Variants in NXPE2 observed in about 807,000 individuals in gnomAD.
NXPE2 encodes the protein neurexophilin and PC-esterase domain family member 2, also known as NXPE family member 2.
In NXPE2, 34 loss-of-function variants were observed where a neutral mutation model predicts 34.4. That is an observed-to-expected ratio of 0.99 (90% CI 0.75 to 1.31). The LOEUF is 1.31. Ranked by LOEUF, NXPE2 falls within the 40% of genes most tolerant of loss-of-function variation. The probability of loss-of-function intolerance (pLI) is 0.00; values close to 1 mark genes in which losing one functional copy is unlikely to be tolerated. For synonymous variants in NXPE2, 235 were observed against 231.3 expected (o/e 1.02, Z -0.15); for missense variants, 649 against 672.5 (o/e 0.97, Z 0.39).
chr11:114,582,669 C>G, the NXPE2 span: 1 of 1,614,178 alleles, frequency 6.2e-7, no homozygotes, highest in South Asian at 1.1e-5. Flanking sequence ...TCCTGAAGCA[C>G]CTGCCATCAG....
chr11:114,651,841 A>C, the NXPE2 span, among the ~76,000 whole-genome samples: 2 of 152,128 alleles, frequency 1.3e-5, no homozygotes, highest in African/African-American at 4.8e-5. Flanking sequence ...GCTAGACAGA[A>C]AAGTTCTCCA....
At chr11:114,607,353 G>A in the NXPE2 span, among the ~76,000 whole-genome samples, 1 of 152,010 alleles carries the variant, frequency 6.6e-6, no homozygotes, top group Admixed American at 6.6e-5. Context: ...TGCCTCGTGG[G>A]TAACCACTGT....
chr11:114,534,078 G>A, the NXPE2 span, among the ~76,000 whole-genome samples: 12 of 152,174 alleles, frequency 7.9e-5, no homozygotes, highest in African/African-American at 2.7e-4. Context: ...GTACTCCTCT[G>A]AGACAAAACT....
chr11:114,765,116 A>C, the NXPE2 span, among the ~76,000 whole-genome samples: 1 of 152,024 alleles, frequency 6.6e-6, no homozygotes, highest in African/African-American at 2.4e-5. Flanking sequence ...CTTTGATCCT[A>C]TTATAACTCC....
At chr11:114,601,919 TATA>T in the NXPE2 span, among the ~76,000 whole-genome samples, 3 of 35,600 alleles carry the variant, frequency 8.4e-5, no homozygotes, top group Non-Finnish European at 1.6e-4. Flanking sequence ...TATAATTATA[TATA>T]ATATATTTAT....
the NXPE2 span, among the ~76,000 whole-genome samples, chr11:114,485,689 A>C: frequency 4.8e-4 from 73 of 152,060 alleles, no homozygotes; most frequent in African/African-American, 1.7e-3. Flanking sequence ...CCATCCTTCT[A>C]TCTCCATGAG....
the NXPE2 span, among the ~76,000 whole-genome samples, chr11:114,637,017 T>C: frequency 6.6e-6 from 1 of 152,244 alleles, no homozygotes; most frequent in South Asian, 2.1e-4. Flanking sequence ...CTGGGTATCG[T>C]TGTTGACTTT....
At chr11:114,746,076 G>A in the NXPE2 span, among the ~76,000 whole-genome samples, 1 of 152,002 alleles carries the variant, frequency 6.6e-6, no homozygotes. Flanking sequence ...TTTTATGATG[G>A]TTATTTTTAG....
the NXPE2 span, chr11:114,582,388 C>T: frequency 6.2e-7 from 1 of 1,614,100 alleles, no homozygotes; most frequent in Non-Finnish European, 8.5e-7. Flanking sequence ...TGAGGCCTCA[C>T]ACAGTAGAAG....
the NXPE2 span, among the ~76,000 whole-genome samples, chr11:114,802,476 C>A: frequency 0.028 from 4,275 of 152,306 alleles, 205 homozygotes; most frequent in African/African-American, 0.097. Flanking sequence ...TGGAACCAGT[C>A]ACAGGCCAGG....
the NXPE2 span, among the ~76,000 whole-genome samples, chr11:114,663,722 C>CTGAT: frequency 6.7e-6 from 1 of 149,894 alleles, no homozygotes; most frequent in Non-Finnish European, 1.5e-5. Context: ...ATCTGATCTA[C>CTGAT]CTACCTATCT....
intron 3 of NXPE2, 133 bp downstream of exon 3, chr11:114,698,911 A>G (rs1309919235): frequency 1.1e-6 from 1 of 881,848 alleles, no homozygotes; most frequent in Non-Finnish European, 1.7e-6. Context: ...CCTCAGAGTC[A>G]GTTCAGCTTG....
the NXPE2 span, among the ~76,000 whole-genome samples, chr11:114,485,727 A>G: frequency 1.1e-4 from 17 of 152,058 alleles, no homozygotes; most frequent in Non-Finnish European, 2.2e-4. Flanking sequence ...TTTAGCTCCC[A>G]CAAGTAAGTG....
At chr11:114,663,757 C>A in the NXPE2 span, among the ~76,000 whole-genome samples, 2 of 151,760 alleles carry the variant, frequency 1.3e-5, no homozygotes, top group Non-Finnish European at 2.9e-5. Context: ...TAATAATAAG[C>A]AACCCAAGTA....
At chr11:114,639,528 G>T in the NXPE2 span, among the ~76,000 whole-genome samples, 1 of 151,230 alleles carries the variant, frequency 6.6e-6, no homozygotes, top group Non-Finnish European at 1.5e-5. Flanking sequence ...GGTACCTCAG[G>T]TGGAAATGCA....
chr11:114,639,296 G>T, the NXPE2 span, among the ~76,000 whole-genome samples: 13 of 152,178 alleles, frequency 8.5e-5, no homozygotes, highest in East Asian at 2.5e-3. Context: ...ATCTCCTGGT[G>T]CACCGTTCCT....
the NXPE2 span, chr11:114,522,548 A>C: frequency 1.4e-6 from 2 of 1,436,278 alleles, no homozygotes; most frequent in Non-Finnish European, 1.9e-6. Context: ...GATAATGGTT[A>C]ATATTCATGA....
At chr11:114,624,648 G>T in the NXPE2 span, among the ~76,000 whole-genome samples, 110 of 152,146 alleles carry the variant, frequency 7.2e-4, no homozygotes, top group African/African-American at 2.6e-3. Flanking sequence ...AATAAGTATT[G>T]CCTTGTGGGT....
At chr11:114,771,328 T>C in the NXPE2 span, among the ~76,000 whole-genome samples, 1 of 150,150 alleles carries the variant, frequency 6.7e-6, no homozygotes, top group East Asian at 2.0e-4. Flanking sequence ...TGTCTGACAC[T>C]CCAGGTCCTA....
Sources: gnomAD v4.1 joint callset for allele counts (sites outside exome capture counted in the v4.1 genomes callset) on GRCh38, gnomAD v4.1.1 for gene constraint, MANE v1.5 for transcripts, NCBI Gene and HGNC (gene_info 2026-07-23, HGNC 2026-07-21) for gene names.